The following WNT2 variants were observed in gnomAD, a reference collection of about 807,000 sequenced individuals.
WNT2 encodes the protein Wnt family member 2, also known as protein Wnt-2.
In WNT2, 12 loss-of-function variants were observed where a neutral mutation model predicts 36.9. That is an observed-to-expected ratio of 0.33 (90% CI 0.21 to 0.53). The LOEUF (loss-of-function observed/expected upper bound fraction) is 0.53, where lower values mean the gene tolerates loss of function less well. WNT2 is among the 20% of genes least tolerant of loss of function. The probability of loss-of-function intolerance (pLI) is 0.95; values close to 1 mark genes in which losing one functional copy is unlikely to be tolerated. For missense variants in WNT2, 379 were observed against 473.1 expected (o/e 0.80, Z 1.84); for synonymous variants, 163 against 174.6 (o/e 0.93, Z 0.52).
chr7:117,299,806 C>T (rs1794867440), intron 3 of WNT2, among the ~76,000 whole-genome samples: 1 of 152,086 alleles, frequency 6.6e-6, no homozygotes, highest in Non-Finnish European at 1.5e-5. Flanking sequence ...TCTGCCCTCC[C>T]TTTCTAGTAT....
At chr7:117,298,502 A>C (rs536622360) in intron 3 of WNT2, among the ~76,000 whole-genome samples, 2 of 152,306 alleles carry the variant, frequency 1.3e-5, no homozygotes, top group East Asian at 3.9e-4. Flanking sequence ...TGAGGCTGAC[A>C]GTAACTTGGG....
chr7:117,302,668 G>T (rs1794930977), intron 3 of WNT2, among the ~76,000 whole-genome samples: 1 of 152,138 alleles, frequency 6.6e-6, no homozygotes, highest in African/African-American at 2.4e-5. Flanking sequence ...AAACCCAAAT[G>T]ACATCAGTAG....
At chr7:117,280,465 C>G (rs1794461344) in intron 4 of WNT2, among the ~76,000 whole-genome samples, 1 of 152,034 alleles carries the variant, frequency 6.6e-6, no homozygotes, top group South Asian at 2.1e-4. Context: ...CTCAGTGAAC[C>G]CTCTATATGG....
chr7:117,281,525 T>A (rs1794489069), intron 4 of WNT2, among the ~76,000 whole-genome samples: 1 of 152,116 alleles, frequency 6.6e-6, no homozygotes, highest in Non-Finnish European at 1.5e-5. Context: ...CAGGCGTGAC[T>A]CACACGCCTG....
At chr7:117,294,593 T>TAAAAA (rs5886850) in intron 4 of WNT2, among the ~76,000 whole-genome samples, 4 of 128,418 alleles carry the variant, frequency 3.1e-5, no homozygotes, top group Non-Finnish European at 5.0e-5. Flanking sequence ...AACTGGCAAC[T>TAAAAA]AAAAAAAAAA....
In WNT2 at chr7:117,297,865, C is replaced by T; in HGVS notation, c.600G>A (p.Arg200=). The change falls in exon 4 of 5, where the codon CGG becomes CGA. Residue 200 remains arginine, a synonymous_variant. Transcript: ENST00000265441. The stretch of plus-strand genomic sequence containing the variant: ...GGCACTTGCACTCTTGTTTCAAGAA[C>T]CGCTTTACAGCCTGCCGAAAAAGAC... ...NNRAGRKAVK[R]FLKQECKCHG... The T allele has an allele frequency of 6.2e-7, 1 of 1,612,066 alleles. No individual in the cohort carries two copies. Among genetic ancestry groups the T allele is most frequent in the Non-Finnish European group, 8.5e-7 (1 of 1,178,416 alleles).
At chr7:117,279,960 G>A (rs1382399381) in intron 4 of WNT2, among the ~76,000 whole-genome samples, 2 of 152,002 alleles carry the variant, frequency 1.3e-5, no homozygotes. Flanking sequence ...ATCACAGTCC[G>A]CTCTGTGTTG....
At chr7:117,314,033 GC>G (rs1404694159) in intron 3 of WNT2, among the ~76,000 whole-genome samples, 1 of 152,030 alleles carries the variant, frequency 6.6e-6, no homozygotes, top group East Asian at 1.9e-4. Flanking sequence ...TCCTATTAAA[GC>G]CCCCCCAGGG....
At chr7:117,285,042 T>G (rs1391891055) in intron 4 of WNT2, among the ~76,000 whole-genome samples, 1 of 152,246 alleles carries the variant, frequency 6.6e-6, no homozygotes, top group East Asian at 1.9e-4. Context: ...ATGTGACCAG[T>G]GCAGCAGCGT....
chr7:117,313,597 C>T (rs996009183), intron 3 of WNT2, among the ~76,000 whole-genome samples: 1 of 152,152 alleles, frequency 6.6e-6, no homozygotes, highest in Non-Finnish European at 1.5e-5. Flanking sequence ...CTTTTGGATA[C>T]AATATCTTTT....
intron 3 of WNT2, among the ~76,000 whole-genome samples, chr7:117,309,281 T>G (rs1795077029): frequency 6.6e-6 from 1 of 152,216 alleles, no homozygotes; most frequent in Admixed American, 6.5e-5. Context: ...CTGTTTACTT[T>G]GAAGCACTTT....
chr7:117,288,621 G>T (rs985735881), intron 4 of WNT2, among the ~76,000 whole-genome samples: 2 of 151,920 alleles, frequency 1.3e-5, no homozygotes, highest in African/African-American at 4.8e-5. Context: ...AAGATAAAAG[G>T]GCATCTATTT....
chr7:117,293,738 C>T (rs1414487669), intron 4 of WNT2, among the ~76,000 whole-genome samples: 1 of 151,978 alleles, frequency 6.6e-6, no homozygotes, highest in African/African-American at 2.4e-5. Context: ...AGGATTTTAG[C>T]ACGGTGGGGT....
rs1231756000 is a variant in WNT2, at chr7:117,275,502, A to G, written c.*2653T>C. ...ATATTGTAGAAAATTAATGGACATT[A>G]TCTTGGACCTAGAAAACTTCAATTT... On this transcript the variant is annotated 3_prime_UTR_variant, in exon 5 of 5. Coordinates refer to ENST00000265441, the MANE Select transcript of WNT2 (RefSeq NM_003391.3). 6.6e-6 allele frequency among the ~76,000 whole-genome samples: 1 copy of G among 152,234 alleles called. No individual in the cohort carries two copies. Among genetic ancestry groups the G allele is most frequent in the Admixed American group, 6.5e-5 (1 of 15,290 alleles).
At chr7:117,314,681 G>C (rs1795180781) in intron 3 of WNT2, among the ~76,000 whole-genome samples, 1 of 141,942 alleles carries the variant, frequency 7.0e-6, no homozygotes, top group African/African-American at 2.6e-5. Flanking sequence ...TGTAAGAAAA[G>C]ATGCTCTGGG....
chr7:117,293,129 A>C (rs1448040504), intron 4 of WNT2, among the ~76,000 whole-genome samples: 1 of 152,096 alleles, frequency 6.6e-6, no homozygotes, highest in Non-Finnish European at 1.5e-5. Context: ...AAAATGATGA[A>C]AAACAGAGAA....
At chr7:117,300,826 G>T (rs1327074053) in intron 3 of WNT2, 1 of 152,184 alleles carries the variant, frequency 6.6e-6, no homozygotes, top group African/African-American at 2.4e-5. Context: ...AAATAAAAGA[G>T]TCACATAAGA....
At chr7:117,303,823 G>C (rs1794959816) in intron 3 of WNT2, among the ~76,000 whole-genome samples, 1 of 152,118 alleles carries the variant, frequency 6.6e-6, no homozygotes, top group Non-Finnish European at 1.5e-5. Flanking sequence ...AGTGAAGTTG[G>C]GTGTTTTCTC....
intron 4 of WNT2, among the ~76,000 whole-genome samples, chr7:117,290,979 T>A (rs1422506214): frequency 6.6e-6 from 1 of 152,232 alleles, no homozygotes; most frequent in African/African-American, 2.4e-5. Context: ...TTTTTAATCA[T>A]GTTTAATCAT....
Sources: allele counts gnomAD v4.1 joint callset (sites outside exome capture counted in the v4.1 genomes callset), GRCh38; gene constraint gnomAD v4.1.1; transcripts MANE v1.5; gene names NCBI Gene and HGNC (gene_info 2026-07-23, HGNC 2026-07-21).